Variants in FDXR observed in about 807,000 individuals in gnomAD.
FDXR encodes NADPH:adrenodoxin oxidoreductase, mitochondrial.
Under a neutral mutation model 58.3 loss-of-function variants are expected in FDXR, and 38 were observed. That is an observed-to-expected ratio of 0.65 (90% confidence interval 0.50 to 0.85). The LOEUF is 0.85. FDXR is among the 40% of genes least tolerant of loss of function. FDXR has a pLI of 0.00. For synonymous variants in FDXR, 275 were observed against 273.8 expected, an observed-to-expected ratio of 1.00 and a Z score of -0.04; for missense variants, 624 against 671.0, an observed-to-expected ratio of 0.93 and a Z score of 0.77.
In FDXR at chr17:74,872,899, G is replaced by T. The variant is rs371081651; in HGVS notation, c.46C>A (p.Arg16=). The T allele has an allele frequency of 3.9e-4, 611 of 1,552,860 alleles. No homozygotes were observed. The highest frequency in any genetic ancestry group is 6.7e-4 in the Middle Eastern group (4 of 6,008). ...WRWWGWSAWP[R]TRLPPAGSTP... is the part of the protein sequence containing the mutation. ...CTCCCGGCGGGAGGCAGCCGGGTCC[G>T]AGGCCACGCCGACCAGCCCCACCAG... is the stretch of plus-strand genomic sequence containing the variant. Residue 16 remains arginine, a synonymous_variant, in exon 1 of 12, where the codon CGG becomes AGG. Coordinates refer to ENST00000293195, the MANE Select transcript of FDXR (RefSeq NM_024417.5).
chr17:74,868,731 C>T (rs1418460615), intron 2 of FDXR: 24 of 1,510,602 alleles, frequency 1.6e-5, no homozygotes, highest in Non-Finnish European at 1.9e-5. Context: ...TCTAGCTGCT[C>T]CCCGCTAACA....
At chr17:74,864,407 C>T in intron 8 of FDXR, 60 bp from the exon 9 acceptor site, 3 of 1,604,764 alleles carry the variant, frequency 1.9e-6, no homozygotes, top group Non-Finnish European at 1.7e-6. Context: ...TCCCTGCATG[C>T]CCTTCCCCAA....
chr17:74,870,104 T>C (rs146638069), intron 2 of FDXR: 6 of 381,810 alleles, frequency 1.6e-5, no homozygotes, highest in African/African-American at 1.0e-4. Context: ...TGGAGCTCCC[T>C]GTGGGCAAAG....
chr17:74,863,065 G>T lies in FDXR; in HGVS notation c.1345+11C>A, dbSNP rs779105566. The stretch of plus-strand genomic sequence containing the variant: ...CCCCACCTCCCAGGACCTCAGCATC[G>T]GGGCCCAGACCTCGGCTGCTGAGCA... On this transcript the variant is annotated intron_variant, in intron 11 of 11. Coordinates refer to ENST00000293195, the MANE Select transcript of FDXR (RefSeq NM_024417.5). 1.4e-5 allele frequency: 23 copies of T among 1,608,576 alleles called. No individual in the cohort carries two copies. Among genetic ancestry groups the T allele is most frequent in the Non-Finnish European group, 2.0e-5 (23 of 1,177,280 alleles).
chr17:74,862,878 G>C lies in FDXR; in HGVS notation c.1415C>G (p.Thr472Arg), dbSNP rs1003869648. The change falls in exon 12 of 12, where the codon ACG (threonine) becomes AGG (arginine). Residue 472 changes from threonine to arginine, a missense_variant. By Grantham distance (71) the Thr-to-Arg change is moderately conservative (BLOSUM62 -1). Coordinates refer to ENST00000293195, the MANE Select transcript of FDXR (RefSeq NM_024417.5). ...DAEEVARGQGTGKPREKLVDP... is the reference protein window; with the variant it reads ...DAEEVARGQGRGKPREKLVDP... ...CACCAGCTTCTCCCTGGGCTTCCCC[G>C]TGCCCTGGCCCCGGGCCACCTCCTC... The C allele has an allele frequency of 6.2e-7, 1 of 1,613,002 alleles. No individual in the cohort carries two copies. Among genetic ancestry groups the C allele is most frequent in the Non-Finnish European group, 8.5e-7 (1 of 1,179,986 alleles).
In FDXR at chr17:74,872,951, G is replaced by T; in HGVS notation, c.-7C>A. On this transcript the variant is annotated 5_prime_UTR_variant, in exon 1 of 12. Transcript: ENST00000293195. ...GCCAGCAGCGCGAAGCCATGGCTGG[G>T]AGCAGCAACCTGCAAGTGGATCTGT... is the stretch of plus-strand genomic sequence containing the variant. 4 of 1,554,118 alleles carry T rather than the reference G, an allele frequency of 2.6e-6. No individual in the cohort carries two copies. The highest frequency in any genetic ancestry group is 3.5e-6 in the Non-Finnish European group (4 of 1,149,224).
chr17:74,865,109 T>C (rs2038129279), intron 6 of FDXR, among the ~76,000 whole-genome samples, 178 bp from the exon 7 acceptor site: 1 of 152,102 alleles, frequency 6.6e-6, no homozygotes, highest in South Asian at 2.1e-4. Flanking sequence ...CTCCAACTAA[T>C]AGCACACCAG....
intron 10 of FDXR, 48 bp from the exon 11 acceptor site, chr17:74,863,294 A>G (rs766507014): frequency 6.7e-7 from 1 of 1,498,438 alleles, no homozygotes; most frequent in Non-Finnish European, 9.0e-7. Context: ...GCTGGATACC[A>G]CCCTGGCCAT....
At chr17:74,868,589 C>G (rs995489653) in intron 2 of FDXR, 14 of 1,535,714 alleles carry the variant, frequency 9.1e-6, no homozygotes, top group Admixed American at 5.9e-5. Flanking sequence ...AGATCCTTCA[C>G]TCTGGGTCAC....
Position 74,862,765 on chromosome 17 carries a change from C to G in FDXR, c.*52G>C. 6.4e-7 allele frequency: 1 copy of G among 1,560,986 alleles called. No individual in the cohort carries two copies. Among genetic ancestry groups the G allele is most frequent in the Admixed American group, 1.8e-5 (1 of 56,486 alleles). On this transcript the variant is annotated 3_prime_UTR_variant, in exon 12 of 12. Transcript: ENST00000293195. Reference sequence around the variant, plus strand: ...TCCCACTCAGACGGACCCAGCCCTTCCCCTCCCAACACTCATCCCTTCCCT... The same window carrying G: ...TCCCACTCAGACGGACCCAGCCCTTGCCCTCCCAACACTCATCCCTTCCCT...
Position 74,864,280 on chromosome 17 carries a change from C to T in FDXR, c.870G>A (p.Pro290=), listed in dbSNP as rs1048460112. 4 of 1,595,810 alleles carry T rather than the reference C, an allele frequency of 2.5e-6. No homozygotes were observed. Among genetic ancestry groups the T allele is most frequent in the Admixed American group, 3.4e-5 (2 of 59,048 alleles). The change falls in exon 9 of 12, where the codon CCG becomes CCA. Residue 290 remains proline (P), a synonymous_variant. Transcript: ENST00000293195. ...CCGATGCCTGGCGGGCAGCTTCCGC[C>T]GGCCCTGGCTTCTCTGTGGCCGTTC... ...LLRTATEKPG[P]AEAARQASAS...
chr17:74,866,709 G>A (rs1274864611), intron 3 of FDXR, 75 bp downstream of exon 3: 5 of 1,590,884 alleles, frequency 3.1e-6, no homozygotes, highest in South Asian at 1.1e-5. Flanking sequence ...CTGTCATCCA[G>A]CCAGGGAGCC....
intron 6 of FDXR, 38 bp downstream of exon 6, chr17:74,865,681 C>T: frequency 6.9e-7 from 1 of 1,458,726 alleles, no homozygotes; most frequent in South Asian, 1.2e-5. Flanking sequence ...TCAGGGTGAC[C>T]CCACCTCCAA....
rs1160634994 is a variant in FDXR, at chr17:74,862,890, C to CG, written c.1402dup (p.Arg468ProfsTer49). On this transcript the variant is annotated frameshift_variant, in exon 12 of 12. Transcript: ENST00000293195. LOFTEE classifies it high-confidence loss of function. Reference sequence around the variant, plus strand: ...CCTGGGCTTCCCCGTGCCCTGGCCCCGGGCCACCTCCTCGGCATCCAGCTT... The same window carrying CG: ...CCTGGGCTTCCCCGTGCCCTGGCCCCGGGGCCACCTCCTCGGCATCCAGCTT... 2.5e-6 allele frequency: 4 copies of CG among 1,613,060 alleles called. No individual in the cohort carries two copies. Among genetic ancestry groups the CG allele is most frequent in the Non-Finnish European group, 3.4e-6 (4 of 1,179,986 alleles).
chr17:74,872,296 C>T, intron 1 of FDXR, 163 bp from the exon 2 acceptor site: 1 of 1,535,804 alleles, frequency 6.5e-7, no homozygotes, highest in Non-Finnish European at 8.7e-7. Flanking sequence ...GGGTCTCTTA[C>T]TTCATCTGAA....
chr17:74,871,321 C>CTG (rs1399205558), intron 2 of FDXR, among the ~76,000 whole-genome samples: 7 of 151,992 alleles, frequency 4.6e-5, no homozygotes, highest in Admixed American at 1.3e-4. Context: ...TTTCAAGCAT[C>CTG]TGTGTGTGTG....
chr17:74,866,929 G>T (rs774517967), intron 2 of FDXR, 53 bp from the exon 3 acceptor site: 1 of 1,585,978 alleles, frequency 6.3e-7, no homozygotes, highest in Non-Finnish European at 8.6e-7. Context: ...AGGCTGGGAC[G>T]CCCCCAGGTC....
intron 2 of FDXR, chr17:74,868,229 C>CA (rs2038260192): frequency 2.0e-6 from 1 of 511,550 alleles, no homozygotes; most frequent in East Asian, 3.2e-5. Flanking sequence ...GTTGTACCCA[C>CA]AAAGCGCTCT....
At chr17:74,868,496 A>C in intron 2 of FDXR, 1 of 1,278,436 alleles carries the variant, frequency 7.8e-7, no homozygotes, top group Non-Finnish European at 1.1e-6. Context: ...GTGCCACAGC[A>C]TAAAGTTCAA....
Sources: gnomAD v4.1 joint callset for allele counts (sites outside exome capture counted in the v4.1 genomes callset) on GRCh38, gnomAD v4.1.1 for gene constraint, MANE v1.5 for transcripts, NCBI Gene and HGNC (gene_info 2026-07-23, HGNC 2026-07-21) for gene names.